LRRC4B: variants seen among roughly 807,000 people sequenced by gnomAD.
LRRC4B encodes leucine rich repeat containing 4B, also known as leucine-rich repeat-containing protein 4B.
In LRRC4B, 1 loss-of-function variant was observed where a neutral mutation model predicts 7.3. The observed-to-expected ratio is 0.14, with a 90% confidence interval of 0.05 to 0.65. The LOEUF is 0.65. LRRC4B is among the 30% of genes least tolerant of loss of function. The pLI is 0.84. For synonymous variants in LRRC4B, 500 were observed against 499.2 expected (o/e 1.00, Z -0.02); for missense variants, 730 against 1,041.6 (o/e 0.70, Z 4.12).
rs1173919963 is a variant in LRRC4B, at chr19:50,520,203, C to CAAAAAAAAA, written c.298-797_298-789dup. ...CCTGGGCAATGAAGTAATACCCTGTCAAAAAAAAAAAAAAAAAAAAAAAAA... is the reference window on the plus strand; with the variant it reads ...CCTGGGCAATGAAGTAATACCCTGTCAAAAAAAAAAAAAAAAAAAAAAAAAAAAAAAAAA... On this transcript the variant is annotated intron_variant, in intron 2 of 2. Transcript: ENST00000652263. Among the ~76,000 whole-genome samples, 5 of 9,376 alleles carry CAAAAAAAAA rather than the reference C, an allele frequency of 5.3e-4. 1 individual carries two copies. The highest frequency in any genetic ancestry group is 5.7e-4 in the Non-Finnish European group (3 of 5,260). The allele number at this position is 9,376 out of a possible 152,430, so 6.2% of individuals were successfully genotyped here. A position where few individuals can be genotyped will look rare whatever the true frequency, so the allele number is the denominator to read the frequency against.
rs1305180624 is a variant in LRRC4B, at chr19:50,568,368, C to A, written c.-460G>T. On this transcript the variant is annotated 5_prime_UTR_variant, in exon 1 of 3. Transcript: ENST00000652263. ...CCCCAGGCCCCGGCCCCGGCCCCGG[C>A]CCCCGCCTCGGACGGTGCGGCAGCG... Among the ~76,000 whole-genome samples, 1 of 146,912 alleles carries A rather than the reference C, an allele frequency of 6.8e-6. No individual in the cohort carries two copies. The highest frequency in any genetic ancestry group is 1.5e-5 in the Non-Finnish European group (1 of 66,040).
intron 1 of LRRC4B, among the ~76,000 whole-genome samples, chr19:50,551,972 C>T (rs1030033922): frequency 2.0e-5 from 3 of 152,026 alleles, no homozygotes; most frequent in Admixed American, 6.6e-5. Context: ...CCCCCTCCCC[C>T]GCTAATCAAA....
intron 2 of LRRC4B, among the ~76,000 whole-genome samples, chr19:50,534,938 A>G (rs1981198637): frequency 6.6e-6 from 1 of 152,146 alleles, no homozygotes. Context: ...CAGCGATCTC[A>G]GCTCACTGCA....
chr19:50,561,282 C>G (rs1329874881), intron 1 of LRRC4B, among the ~76,000 whole-genome samples: 1 of 152,078 alleles, frequency 6.6e-6, no homozygotes, highest in African/African-American at 2.4e-5. Flanking sequence ...GGGTCTTTGC[C>G]CTTCCCGCAA....
intron 1 of LRRC4B, among the ~76,000 whole-genome samples, chr19:50,551,984 G>C (rs955301809): frequency 6.6e-6 from 1 of 151,894 alleles, no homozygotes; most frequent in African/African-American, 2.4e-5. Context: ...CTAATCAAAG[G>C]CTCCGTTATC....
chr19:50,552,683 T>TCCATCCAC (rs377729910), intron 1 of LRRC4B, among the ~76,000 whole-genome samples: 1,748 of 121,426 alleles, frequency 0.014, 101 homozygotes, highest in East Asian at 0.078. Flanking sequence ...CATCCATCCA[T>TCCATCCAC]CCATCCGTCC....
intron 2 of LRRC4B, among the ~76,000 whole-genome samples, chr19:50,525,112 G>A (rs978469410): frequency 1.3e-5 from 2 of 152,188 alleles, no homozygotes; most frequent in African/African-American, 2.4e-5. Context: ...CAGAGGTCAC[G>A]GGTGTAGTGT....
At position 50,518,441 on chromosome 19, in the gene LRRC4B, G is replaced by A. The variant is rs1399440519; in HGVS notation, c.1272C>T (p.Thr424=). 6.4e-7 allele frequency: 1 copy of A among 1,552,598 alleles called. No homozygotes were observed. The highest frequency in any genetic ancestry group is 2.3e-5 in the East Asian group (1 of 44,352). The change falls in exon 3 of 3, where the codon ACC becomes ACT. Residue 424 remains threonine, a synonymous_variant. Transcript: ENST00000652263. ...GGCCCGTGTCCTGCACGGTGACGTT[G>A]GTGAAGTTAAGCGTGCCGTCATGCA... ...SVLHDGTLNF[T]NVTVQDTGQY...
Position 50,563,146 on chromosome 19 carries a change from C to T in LRRC4B, c.-36+4798G>A, listed in dbSNP as rs1377960350. ...GGGAAACAGCAGTCCCCTGGGCTCCCGCCTGCCTCCCGCAGTGAGCCCCCA... is the reference window on the plus strand; with the variant it reads ...GGGAAACAGCAGTCCCCTGGGCTCCTGCCTGCCTCCCGCAGTGAGCCCCCA... On this transcript the variant is annotated intron_variant, in intron 1 of 2. Transcript: ENST00000652263. This position sits in a 1 kb window ranked among gnomAD's most constrained non-coding sequence, Gnocchi z 4.9. Among the ~76,000 whole-genome samples, 1 of 152,142 alleles carries T rather than the reference C, an allele frequency of 6.6e-6. No homozygotes were observed. The highest frequency in any genetic ancestry group is 2.4e-5 in the African/African-American group (1 of 41,440).
chr19:50,535,593 T>G (rs977061845), intron 2 of LRRC4B, among the ~76,000 whole-genome samples: 6 of 152,250 alleles, frequency 3.9e-5, no homozygotes, highest in Non-Finnish European at 7.3e-5. Context: ...TCACATCAAC[T>G]GTCTTTATGA....
At chr19:50,554,605 T>C (rs183170062) in intron 1 of LRRC4B, among the ~76,000 whole-genome samples, 1 of 152,268 alleles carries the variant, frequency 6.6e-6, no homozygotes, top group African/African-American at 2.4e-5. Context: ...TAACCTCATC[T>C]CTTCCGCACA....
intron 2 of LRRC4B, among the ~76,000 whole-genome samples, chr19:50,545,897 G>T (rs569216835): frequency 7.1e-4 from 108 of 151,618 alleles, no homozygotes; most frequent in African/African-American, 2.1e-3. Context: ...CTAATTTTTG[G>T]TTTTTTAGTG....
rs188095140 is a variant in LRRC4B at position 50,520,889 on chromosome 19, G to A, written c.298-1474C>T. 1.2e-4 allele frequency among the ~76,000 whole-genome samples: 18 copies of A among 152,286 alleles called. No individual in the cohort carries two copies. The East Asian group carries it at 3.5e-3, about 29-fold the overall frequency. On this transcript the variant is annotated intron_variant, in intron 2 of 2. Transcript: ENST00000652263. ...TCCGACCCGGCTGTTCCATTCCTGGGTATTTCCTCAAGAGAAATGAAGGCA... is the reference window on the plus strand; with the variant it reads ...TCCGACCCGGCTGTTCCATTCCTGGATATTTCCTCAAGAGAAATGAAGGCA...
At position 50,563,556 on chromosome 19, in the gene LRRC4B, G is replaced by A. The variant is rs989450348; in HGVS notation, c.-36+4388C>T. Among the ~76,000 whole-genome samples, 3 of 152,044 alleles carry A rather than the reference G, an allele frequency of 2.0e-5. No individual in the cohort carries two copies. Among genetic ancestry groups the A allele is most frequent in the African/African-American group, 7.2e-5 (3 of 41,408 alleles). On this transcript the variant is annotated intron_variant, in intron 1 of 2. Coordinates refer to ENST00000652263, the MANE Select transcript of LRRC4B (RefSeq NM_001080457.2). This position sits in a 1 kb window ranked among gnomAD's most constrained non-coding sequence, Gnocchi z 4.9. ...GTGAGGCCCTCCCTCCAGAAACAGC[G>A]TCCGCATCCCAGGTCCTCTAAGGCA...
At chr19:50,542,312 AC>A (rs1981585314) in intron 2 of LRRC4B, among the ~76,000 whole-genome samples, 1 of 151,856 alleles carries the variant, frequency 6.6e-6, no homozygotes, top group African/African-American at 2.4e-5. Flanking sequence ...GAAGATCTGC[AC>A]CCGGTCTTCT....
At position 50,518,180 on chromosome 19, in the gene LRRC4B, C is replaced by T. The variant is rs1403055217; in HGVS notation, c.1533G>A (p.Lys511=). 4.4e-6 allele frequency: 7 copies of T among 1,607,640 alleles called. No individual in the cohort carries two copies. The highest frequency in any genetic ancestry group is 3.3e-5 in the South Asian group (3 of 90,870). The change falls in exon 3 of 3, where the codon AAG becomes AAA. Residue 511 remains lysine (K), a synonymous_variant. Transcript: ENST00000652263. Reference sequence around the variant, plus strand: ...CGTCTGTCGTGGGCCCTGGCGGTTCCTTCTCCGTCCCCCGCGGCTGCAGGG... The same window carrying T: ...CGTCTGTCGTGGGCCCTGGCGGTTCTTTCTCCGTCCCCCGCGGCTGCAGGG... ...EEALQPRGTE[K]EPPGPTTDGV...
Position 50,517,642 on chromosome 19 carries a change from G to A in LRRC4B, c.2071C>T (p.Leu691Phe). ...AGCAGAGGTTCGTGGATGGAGTTGAGGCCAGGCGGGCCTTTGCCCCCGCAG... is the reference window on the plus strand; with the variant it reads ...AGCAGAGGTTCGTGGATGGAGTTGAAGCCAGGCGGGCCTTTGCCCCCGCAG... ...GGCGGKGPPG[L>F]NSIHEPLLFK... is the part of the protein sequence containing the mutation. Residue 691 changes from leucine to phenylalanine, a missense_variant, in exon 3 of 3, where the codon CTC (leucine) becomes TTC (phenylalanine). Physicochemically the swap from Leu to Phe is conservative, Grantham distance 22. Around this residue, in one of 6 missense-constraint regions of LRRC4B, gnomAD observed 160 missense variants for 163.9 expected, o/e 0.98. Transcript: ENST00000652263. This position sits in a 1 kb window ranked among gnomAD's most constrained non-coding sequence, Gnocchi z 6.6. 1 of 1,501,082 alleles carries A rather than the reference G, an allele frequency of 6.7e-7. No individual in the cohort carries two copies. Among genetic ancestry groups the A allele is most frequent in the Admixed American group, 2.4e-5 (1 of 41,298 alleles). 93.0% of individuals were successfully genotyped at this position (1,501,082 alleles called of 1,614,324 possible).
chr19:50,528,735 A>G (rs1662344078), intron 2 of LRRC4B, among the ~76,000 whole-genome samples: 1 of 152,172 alleles, frequency 6.6e-6, no homozygotes, highest in East Asian at 1.9e-4. Flanking sequence ...CGTGAATGCT[A>G]TTTCACAGGC....
In LRRC4B at chr19:50,517,930, C is replaced by A; in HGVS notation, c.1783G>T (p.Ala595Ser). 1 of 1,567,950 alleles carries A rather than the reference C, an allele frequency of 6.4e-7. No homozygotes were observed. ...ITFMAAVMLV[A>S]FYKLRKQHQL... ...TGCTGCTTGCGCAGCTTGTAGAAGG[C>A]CACGAGCATCACCGCGGCCATGAAC... The change falls in exon 3 of 3, where the codon GCC (alanine) becomes TCC (serine). Residue 595 changes from alanine to serine, a missense_variant. Physicochemically the swap from Ala to Ser is moderately conservative, Grantham distance 99. Transcript: ENST00000652263. The surrounding 1 kb of genome is among the most constrained non-coding windows in gnomAD (Gnocchi z 6.6).
Sources: gnomAD v4.1 joint callset for allele counts (sites outside exome capture counted in the v4.1 genomes callset) on GRCh38, gnomAD v4.1.1 for gene constraint, gnomAD v4.1.1 regional missense constraint, Gnocchi (gnomAD v3.1) non-coding constraint, MANE v1.5 for transcripts, NCBI Gene and HGNC (gene_info 2026-07-23, HGNC 2026-07-21) for gene names.